Variants in MGAM2 observed in about 807,000 individuals in gnomAD.
MGAM2 encodes the protein probable maltase-glucoamylase 2.
MGAM2 carries 98 observed loss-of-function variants against 96.1 expected under a neutral mutation model. The ratio of observed to expected loss-of-function variants is 1.02; its 90% CI spans 0.87 to 1.21. The LOEUF (loss-of-function observed/expected upper bound fraction) is 1.21. MGAM2 is among the 50% of genes most tolerant of loss of function. The probability of loss-of-function intolerance (pLI) is 0.00; values close to 1 mark genes in which losing one functional copy is unlikely to be tolerated. For missense variants in MGAM2, 2,055 were observed against 1,182.4 expected (o/e 1.74, Z -10.82); for synonymous variants, 749 against 414.8 (o/e 1.81, Z -9.79).
In MGAM2 at chr7:142,177,007, CT is replaced by C. The variant is rs539888741; in HGVS notation, c.3816+1234del. Reference sequence around the variant, plus strand: ...TTTATTTAAATATTTCAGGGTTAAACTTTTTTTAACTTCTATTTTAGATTCA... The same window carrying C: ...TTTATTTAAATATTTCAGGGTTAAACTTTTTTAACTTCTATTTTAGATTCA... On this transcript the variant is annotated intron_variant, in intron 32 of 47. Transcript: ENST00000477922. Among the ~76,000 whole-genome samples the C allele has an allele frequency of 1.5e-3, 229 of 152,150 alleles. 5 individuals are homozygous for C. The highest frequency in any genetic ancestry group is 1.6e-3 in the Non-Finnish European group (108 of 67,990).
rs541335214 is a variant in MGAM2, at chr7:142,142,148, T to C, written c.1317+1029T>C. ...TTCCTTTCATTGACTCTTTCGATGCTTAATTCTATTTACTTTTTTTTCATT... is the reference window on the plus strand; with the variant it reads ...TTCCTTTCATTGACTCTTTCGATGCCTAATTCTATTTACTTTTTTTTCATT... On this transcript the variant is annotated intron_variant, in intron 12 of 47. Transcript: ENST00000477922. Among the ~76,000 whole-genome samples, 8 of 39,202 alleles carry C rather than the reference T, an allele frequency of 2.0e-4. No individual in the cohort carries two copies. The South Asian group carries it at 0.011, about 52-fold the overall frequency. 25.7% of individuals were successfully genotyped at this position (39,202 alleles called of 152,430 possible). A position where few individuals can be genotyped will look rare whatever the true frequency, so the allele number is the denominator to read the frequency against.
intron 30 of MGAM2, 25 bp from the exon 31 acceptor site, chr7:142,173,204 G>C (rs970941179): frequency 1.4e-6 from 1 of 702,380 alleles, no homozygotes; most frequent in Non-Finnish European, 2.6e-6. Context: ...AAATCTTTCT[G>C]GATGCATTTT....
chr7:142,174,701 T>C (rs1796307625), intron 31 of MGAM2, among the ~76,000 whole-genome samples: 3 of 140,206 alleles, frequency 2.1e-5, no homozygotes, highest in African/African-American at 8.6e-5. Flanking sequence ...TGCCCTTTAT[T>C]TCTCTCTCTC....
chr7:142,161,013 C>T (rs1795872321), intron 21 of MGAM2, 112 bp from the exon 22 acceptor site: 1 of 584,232 alleles, frequency 1.7e-6, no homozygotes, highest in Non-Finnish European at 3.1e-6. Flanking sequence ...AACATCTACT[C>T]AGTTTCTGGT....
intron 3 of MGAM2, among the ~76,000 whole-genome samples, chr7:142,126,973 C>G (rs1205876630): frequency 6.6e-6 from 1 of 152,188 alleles, no homozygotes; most frequent in African/African-American, 2.4e-5. Context: ...GAAAATGACA[C>G]TGCAAATCAG....
chr7:142,167,541 G>T, intron 26 of MGAM2, 55 bp downstream of exon 26: 1 of 700,056 alleles, frequency 1.4e-6, no homozygotes, highest in Non-Finnish European at 2.6e-6. Context: ...AATTTACAGT[G>T]CTGTATGGAT....
At chr7:142,146,208 A>T (rs1423099372) in intron 14 of MGAM2, among the ~76,000 whole-genome samples, 90 of 133,096 alleles carry the variant, frequency 6.8e-4, no homozygotes, top group Non-Finnish European at 9.1e-4. Context: ...TTTGTTTTTG[A>T]TTTTTTTTTT....
At chr7:142,179,950 A>C (rs953859790) in intron 32 of MGAM2, among the ~76,000 whole-genome samples, 5 of 151,522 alleles carry the variant, frequency 3.3e-5, no homozygotes, top group African/African-American at 4.8e-5. Context: ...CTCTTTGTAC[A>C]TCTAGTAGGA....
At chr7:142,128,124 C>G (rs1259756070) in intron 3 of MGAM2, among the ~76,000 whole-genome samples, 3 of 152,130 alleles carry the variant, frequency 2.0e-5, no homozygotes, top group African/African-American at 7.2e-5. Context: ...AGACTGGTGG[C>G]ATTTTACCCC....
At chr7:142,138,741 T>C (rs1053792433) in intron 10 of MGAM2, 74 bp downstream of exon 10, 1 of 645,082 alleles carries the variant, frequency 1.6e-6, no homozygotes, top group Non-Finnish European at 2.8e-6. Context: ...ATTCAATGTA[T>C]TAGGAAAAAT....
intron 45 of MGAM2, among the ~76,000 whole-genome samples, chr7:142,202,346 G>A (rs10952519): frequency 0.73 from 111,467 of 152,100 alleles, 41,012 homozygotes; most frequent in African/African-American, 0.79. Flanking sequence ...GATATAGGGT[G>A]TACATGTGCA....
chr7:142,195,032 C>T (rs1268518898), intron 37 of MGAM2, among the ~76,000 whole-genome samples: 2 of 152,118 alleles, frequency 1.3e-5, no homozygotes, highest in Non-Finnish European at 1.5e-5. Context: ...GTATATTTGC[C>T]TCTGTGTGCA....
At chr7:142,203,373 C>T (rs1281918149) in intron 45 of MGAM2, among the ~76,000 whole-genome samples, 1 of 151,902 alleles carries the variant, frequency 6.6e-6, no homozygotes, top group Non-Finnish European at 1.5e-5. Flanking sequence ...AGAAATCAGA[C>T]AAGACACATA....
chr7:142,169,228 C>T (rs1021008115), intron 26 of MGAM2, among the ~76,000 whole-genome samples: 20 of 152,108 alleles, frequency 1.3e-4, no homozygotes, highest in Admixed American at 5.9e-4. Flanking sequence ...TCAAAACCAT[C>T]CTGGCCAACA....
intron 7 of MGAM2, among the ~76,000 whole-genome samples, chr7:142,134,824 A>G (rs1373844413): frequency 6.6e-6 from 1 of 151,930 alleles, no homozygotes; most frequent in Non-Finnish European, 1.5e-5. Context: ...GTAAAATACA[A>G]TTAAAATATA....
intron 44 of MGAM2, among the ~76,000 whole-genome samples, chr7:142,199,590 T>C (rs1284205736): frequency 3.9e-5 from 6 of 152,218 alleles, no homozygotes; most frequent in Non-Finnish European, 5.9e-5. Context: ...CTGAGGATTC[T>C]CTTTTGAGGG....
In MGAM2 at chr7:142,197,428, C is replaced by T. The variant is rs1282523573; in HGVS notation, c.4661C>T (p.Thr1554Ile). 1.4e-6 allele frequency: 1 copy of T among 702,814 alleles called. No homozygotes were observed. The highest frequency in any genetic ancestry group is 1.7e-5 in the African/African-American group (1 of 57,216). The allele number at this position is 702,814 out of a possible 1,614,324, so 43.5% of individuals were successfully genotyped here. The change falls in exon 41 of 48, where the codon ACC becomes ATC. Residue 1554 changes from threonine to isoleucine, a missense_variant. Thr to Ile is a moderately conservative substitution (Grantham distance 89). Coordinates refer to ENST00000477922, the MANE Select transcript of MGAM2 (RefSeq NM_001293626.2). Reference protein sequence around the residue: ...RRQDPVAWNSTFEMLSRKVLE... With the variant: ...RRQDPVAWNSIFEMLSRKVLE... ...CAAGATCCTGTGGCCTGGAATTCAA[C>T]CTTTGAGATGTTGTCCAGAAAAGTC... is the stretch of plus-strand genomic sequence containing the variant.
chr7:142,195,029 T>A (rs1796987533), intron 37 of MGAM2, among the ~76,000 whole-genome samples: 1 of 152,312 alleles, frequency 6.6e-6, no homozygotes, highest in African/African-American at 2.4e-5. Context: ...TATGTATATT[T>A]GCCTCTGTGT....
chr7:142,139,058 T>C (rs1313989673), intron 10 of MGAM2, among the ~76,000 whole-genome samples: 1 of 152,186 alleles, frequency 6.6e-6, no homozygotes, highest in Non-Finnish European at 1.5e-5. Context: ...AAGTTAGCTA[T>C]TATGTTATTA....
Sources: allele counts gnomAD v4.1 joint callset (sites outside exome capture counted in the v4.1 genomes callset), GRCh38; gene constraint gnomAD v4.1.1; transcripts MANE v1.5; gene names NCBI Gene and HGNC (gene_info 2026-07-23, HGNC 2026-07-21).